The following RD3 variants were observed in gnomAD, a reference collection of about 807,000 sequenced individuals.
RD3 encodes the protein RD3 regulator of GUCY2D.
RD3 carries 11 observed loss-of-function variants against 16.9 expected under a neutral mutation model. That is an observed-to-expected ratio of 0.65 (90% confidence interval 0.41 to 1.08). The LOEUF is 1.08. RD3 is among the 50% of genes least tolerant of loss of function. RD3 has a pLI of 0.00. For synonymous variants in RD3, 116 were observed against 114.8 expected, an observed-to-expected ratio of 1.01 and a Z score of -0.07; for missense variants, 274 against 267.4, an observed-to-expected ratio of 1.02 and a Z score of -0.17.
At chr1:211,482,886 C>A (rs1219212723) in intron 1 of RD3, among the ~76,000 whole-genome samples, 2 of 151,868 alleles carry the variant, frequency 1.3e-5, no homozygotes, top group Admixed American at 1.3e-4. Context: ...TCTGCTTAGA[C>A]CCTCCATACG....
chr1:211,479,469 C>T (rs1705219148), intron 2 of RD3, 142 bp from the exon 3 acceptor site: 1 of 733,462 alleles, frequency 1.4e-6, no homozygotes. Flanking sequence ...AATCAGGAAC[C>T]ACCCCACGCT....
At chr1:211,485,414 C>A (rs1705353940) in intron 1 of RD3, among the ~76,000 whole-genome samples, 2 of 152,180 alleles carry the variant, frequency 1.3e-5, no homozygotes, top group Admixed American at 6.5e-5. Flanking sequence ...GCTGCTCCCC[C>A]AGAAGGCTCT....
intron 1 of RD3, among the ~76,000 whole-genome samples, chr1:211,487,527 T>TATTG (rs1226478140): frequency 2.0e-5 from 3 of 152,360 alleles, no homozygotes; most frequent in Admixed American, 2.0e-4. Flanking sequence ...ATCTGGGGGA[T>TATTG]ATTGATAGAT....
chr1:211,482,449 G>A (rs1459129798), intron 1 of RD3, among the ~76,000 whole-genome samples: 1 of 151,910 alleles, frequency 6.6e-6, no homozygotes, highest in Non-Finnish European at 1.5e-5. Flanking sequence ...CAGCACTGAT[G>A]TGGGAGGGGA....
chr1:211,483,576 C>A (rs1280882666), intron 1 of RD3, among the ~76,000 whole-genome samples: 3 of 151,898 alleles, frequency 2.0e-5, no homozygotes, highest in African/African-American at 7.2e-5. Flanking sequence ...AAGGACGAAC[C>A]ATTAGACCCT....
chr1:211,491,234 C>G (rs1219105861), intron 1 of RD3, among the ~76,000 whole-genome samples: 1 of 152,240 alleles, frequency 6.6e-6, no homozygotes, highest in Non-Finnish European at 1.5e-5. Context: ...GATGCACAGA[C>G]TGCTCCATGT....
At chr1:211,479,775 C>T (rs1349234272) in intron 2 of RD3, among the ~76,000 whole-genome samples, 3 of 152,196 alleles carry the variant, frequency 2.0e-5, no homozygotes, top group Non-Finnish European at 2.9e-5. Flanking sequence ...TGTGATATTC[C>T]TTCCAGGTGA....
chr1:211,482,327 A>AT (rs1705289422), intron 1 of RD3, among the ~76,000 whole-genome samples: 1 of 152,028 alleles, frequency 6.6e-6, no homozygotes. Flanking sequence ...GTGGAGGGAC[A>AT]TAAACACGAA....
chr1:211,487,755 C>T (rs972243610), intron 1 of RD3, among the ~76,000 whole-genome samples: 1 of 152,166 alleles, frequency 6.6e-6, no homozygotes, highest in Non-Finnish European at 1.5e-5. Context: ...TGCACAGTGG[C>T]GTGTGCGGGG....
In RD3 at chr1:211,487,142, G is replaced by C. The variant is rs377026774; in HGVS notation, c.-12+4626C>G. The stretch of plus-strand genomic sequence containing the variant: ...CTGCCTAAGATCCAGATCCACCAAA[G>C]GGAACAATGGTTTTTTTCTTCCCCT... On this transcript the variant is annotated intron_variant, in intron 1 of 2. Transcript: ENST00000680073. Among the ~76,000 whole-genome samples the C allele has an allele frequency of 4.3e-4, 65 of 152,252 alleles. 2 individuals carry two copies. The South Asian group carries it at 0.013, about 30-fold the overall frequency.
At chr1:211,479,498 C>T (rs921510328) in intron 2 of RD3, among the ~76,000 whole-genome samples, 171 bp from the exon 3 acceptor site, 2 of 152,360 alleles carry the variant, frequency 1.3e-5, no homozygotes, top group East Asian at 3.9e-4. Flanking sequence ...TTCAACCAAT[C>T]CTGCGTTCAA....
chr1:211,479,411 C>G lies in RD3; in HGVS notation c.297-84G>C. On this transcript the variant is annotated intron_variant, in intron 2 of 2. Transcript: ENST00000680073. ...GGGCGTCTAACCCCGAGGGGCTGCC[C>G]GTGCATCCTCATGGCCAATTAGTCC... The G allele has an allele frequency of 2.3e-6, 3 of 1,308,910 alleles. No individual in the cohort carries two copies. The East Asian group carries it at 7.4e-5, about 32-fold the overall frequency. The allele number at this position is 1,308,910 out of a possible 1,614,324, so 81.1% of individuals were successfully genotyped here. A position where few individuals can be genotyped will look rare whatever the true frequency, so the allele number is the denominator to read the frequency against.
intron 1 of RD3, among the ~76,000 whole-genome samples, chr1:211,491,162 C>G (rs971127654): frequency 8.5e-5 from 13 of 152,182 alleles, no homozygotes; most frequent in African/African-American, 2.9e-4. Flanking sequence ...TAGGCCCGAT[C>G]TCCCTGGCGC....
intron 1 of RD3, among the ~76,000 whole-genome samples, chr1:211,487,767 G>T (rs1434720902): frequency 6.6e-6 from 1 of 152,202 alleles, no homozygotes; most frequent in African/African-American, 2.4e-5. Context: ...TGTGCGGGGA[G>T]GGCCTAGGGC....
intron 1 of RD3, among the ~76,000 whole-genome samples, chr1:211,487,359 T>C (rs965465578): frequency 6.6e-6 from 1 of 152,192 alleles, no homozygotes; most frequent in Non-Finnish European, 1.5e-5. Context: ...GGTGAGCAGT[T>C]CCTCTGTGAT....
chr1:211,479,999 A>G (rs1705230618), intron 2 of RD3, among the ~76,000 whole-genome samples: 1 of 152,180 alleles, frequency 6.6e-6, no homozygotes, highest in Non-Finnish European at 1.5e-5. Context: ...CCAGATTGAG[A>G]GTCAGGACTT....
At chr1:211,488,735 G>T (rs1437466896) in intron 1 of RD3, among the ~76,000 whole-genome samples, 1 of 152,166 alleles carries the variant, frequency 6.6e-6, no homozygotes, top group Admixed American at 6.6e-5. Context: ...TCCCTCTTTT[G>T]TCTGGGAGCC....
intron 2 of RD3, 138 bp downstream of exon 2, chr1:211,480,982 T>C: frequency 1.1e-6 from 1 of 909,314 alleles, no homozygotes; most frequent in Non-Finnish European, 1.7e-6. Context: ...AGACTCCTTT[T>C]CCCCTCTTGC....
At chr1:211,485,987 A>T (rs1705365346) in intron 1 of RD3, among the ~76,000 whole-genome samples, 1 of 151,482 alleles carries the variant, frequency 6.6e-6, no homozygotes, top group Non-Finnish European at 1.5e-5. Context: ...CAAAAATATA[A>T]AAAATTAGCT....
Sources: gnomAD v4.1 joint callset for allele counts (sites outside exome capture counted in the v4.1 genomes callset) on GRCh38, gnomAD v4.1.1 for gene constraint, MANE v1.5 for transcripts, NCBI Gene and HGNC (gene_info 2026-07-23, HGNC 2026-07-21) for gene names.